Variants in IPO11 observed in about 807,000 individuals in gnomAD.
IPO11 encodes importin-11.
Under a neutral mutation model 143.2 loss-of-function variants are expected in IPO11, and 66 were observed. The observed-to-expected ratio is 0.46, with a 90% CI of 0.38 to 0.57. The LOEUF is 0.57. IPO11 is among the 20% of genes least tolerant of loss of function. The pLI, the probability that IPO11 is intolerant of heterozygous loss-of-function variation, is 0.00. For synonymous variants in IPO11, 385 were observed against 377.8 expected (o/e 1.02, Z -0.22); for missense variants, 1,026 against 1,141.0 (o/e 0.90, Z 1.45).
chr5:62,547,246 G>T (rs1368801118), intron 24 of IPO11, among the ~76,000 whole-genome samples: 1 of 152,098 alleles, frequency 6.6e-6, no homozygotes, highest in Non-Finnish European at 1.5e-5. Flanking sequence ...AAACTCATAT[G>T]TGTATATGAA....
intron 21 of IPO11, among the ~76,000 whole-genome samples, chr5:62,528,422 G>A (rs1179313323): frequency 6.6e-6 from 1 of 152,118 alleles, no homozygotes; most frequent in African/African-American, 2.4e-5. Context: ...CTGATAACTT[G>A]TTTGAGAGCT....
At chr5:62,443,215 TAC>T (rs1744562761) in intron 3 of IPO11, 132 bp downstream of exon 3, 1 of 521,710 alleles carries the variant, frequency 1.9e-6, no homozygotes, top group Non-Finnish European at 3.4e-6. Context: ...ATTGGAGCAA[TAC>T]AGAGACGATT....
At chr5:62,571,005 A>C (rs1382708646) in intron 27 of IPO11, among the ~76,000 whole-genome samples, 1 of 152,216 alleles carries the variant, frequency 6.6e-6, no homozygotes, top group Non-Finnish European at 1.5e-5. Flanking sequence ...ATAATTATAC[A>C]CAGAATAACT....
chr5:62,591,801 G>A (rs561755907), intron 28 of IPO11, 129 bp downstream of exon 28: 19 of 535,316 alleles, frequency 3.5e-5, no homozygotes, highest in African/African-American at 2.0e-4. Context: ...ATACAGAAAC[G>A]TTTTTGTTAT....
chr5:62,610,537 A>G (rs1300851022), intron 29 of IPO11, among the ~76,000 whole-genome samples: 5 of 152,156 alleles, frequency 3.3e-5, no homozygotes, highest in Non-Finnish European at 5.9e-5. Context: ...AAATTTGGTT[A>G]TCATAAGGCC....
At chr5:62,477,017 A>T (rs998069800) in intron 9 of IPO11, among the ~76,000 whole-genome samples, 1 of 152,190 alleles carries the variant, frequency 6.6e-6, no homozygotes, top group African/African-American at 2.4e-5. Context: ...TGATTCCTCT[A>T]AAGCTCATTA....
In IPO11 at chr5:62,546,379, A is replaced by G. The variant is rs1243467081; in HGVS notation, c.2251-3988A>G. 2.6e-5 allele frequency among the ~76,000 whole-genome samples: 4 copies of G among 152,170 alleles called. No homozygotes were observed. The South Asian group carries it at 8.3e-4, about 31-fold the overall frequency. On this transcript the variant is annotated intron_variant, in intron 24 of 29. Coordinates refer to ENST00000325324, the MANE Select transcript of IPO11 (RefSeq NM_016338.5). ...CACCAAACACCACATGTTCTCACTC[A>G]TAGATGGAAATTGAACAATGAGAAT...
chr5:62,507,806 G>A (rs909299195), intron 19 of IPO11, among the ~76,000 whole-genome samples: 18 of 151,726 alleles, frequency 1.2e-4, no homozygotes, highest in Admixed American at 9.8e-4. Context: ...TTATTTTTTT[G>A]GCTTAGTAAA....
chr5:62,573,895 C>A (rs1283371825), intron 27 of IPO11, among the ~76,000 whole-genome samples: 1 of 152,126 alleles, frequency 6.6e-6, no homozygotes, highest in African/African-American at 2.4e-5. Context: ...ATTGAGAGTT[C>A]CCTTAGGGGT....
At chr5:62,540,967 T>G (rs750814015) in intron 24 of IPO11, among the ~76,000 whole-genome samples, 2 of 152,252 alleles carry the variant, frequency 1.3e-5, no homozygotes, top group African/African-American at 4.8e-5. Context: ...AATAAATACT[T>G]AAGTACATTA....
chr5:62,514,861 GT>G (rs561719818), intron 19 of IPO11, among the ~76,000 whole-genome samples: 16 of 151,996 alleles, frequency 1.1e-4, no homozygotes, highest in African/African-American at 3.6e-4. Flanking sequence ...CTTTGAAAAT[GT>G]TTTTTTTCTC....
intron 1 of IPO11, among the ~76,000 whole-genome samples, chr5:62,415,770 C>G (rs1743273091): frequency 6.6e-6 from 1 of 151,700 alleles, no homozygotes; most frequent in African/African-American, 2.4e-5. Context: ...GCCCGGCCCC[C>G]TCTTTACTCT....
intron 3 of IPO11, among the ~76,000 whole-genome samples, chr5:62,446,813 A>G (rs537358495): frequency 6.6e-6 from 1 of 152,252 alleles, no homozygotes; most frequent in South Asian, 2.1e-4. Flanking sequence ...TACTAAAAAT[A>G]CAAAAACTAG....
At chr5:62,509,296 TA>T (rs1157114943) in intron 19 of IPO11, among the ~76,000 whole-genome samples, 2 of 152,216 alleles carry the variant, frequency 1.3e-5, no homozygotes, top group Admixed American at 6.5e-5. Context: ...AAATTTTATC[TA>T]AAAGATGAGG....
At chr5:62,419,074 A>G in intron 1 of IPO11, 1 of 1,551,184 alleles carries the variant, frequency 6.4e-7, no homozygotes, top group Non-Finnish European at 8.7e-7. Flanking sequence ...TCTAGGCTAT[A>G]AGCCTGTACA....
intron 29 of IPO11, among the ~76,000 whole-genome samples, chr5:62,602,652 G>T (rs1264723447): frequency 1.3e-5 from 2 of 152,150 alleles, no homozygotes; most frequent in Admixed American, 6.5e-5. Context: ...TCGCATTACA[G>T]CACGTTAGCT....
intron 21 of IPO11, among the ~76,000 whole-genome samples, chr5:62,527,499 A>G (rs996796936): frequency 1.3e-5 from 2 of 152,216 alleles, no homozygotes; most frequent in African/African-American, 4.8e-5. Context: ...TGTAAGATAA[A>G]ATATTAATTC....
At position 62,415,125 on chromosome 5, in the gene IPO11, A is replaced by G. The variant is rs953565616; in HGVS notation, c.-7+2196A>G. On this transcript the variant is annotated intron_variant, in intron 1 of 29. Transcript: ENST00000325324. ...CCTAACAATCCTGTGTGTCCCTGCT[A>G]ACTGCTCCTGTTTATCATGGTGGCT... Among the ~76,000 whole-genome samples, 5 of 152,158 alleles carry G rather than the reference A, an allele frequency of 3.3e-5. 1 individual carries two copies. Among genetic ancestry groups the G allele is most frequent in the Non-Finnish European group, 5.9e-5 (4 of 68,026 alleles).
chr5:62,590,671 G>C (rs952716219), intron 27 of IPO11, among the ~76,000 whole-genome samples: 2 of 152,070 alleles, frequency 1.3e-5, no homozygotes, highest in African/African-American at 4.8e-5. Flanking sequence ...AATTTTGTCT[G>C]TGTTACTGCC....
Sources: gnomAD v4.1 joint callset for allele counts (sites outside exome capture counted in the v4.1 genomes callset) on GRCh38, gnomAD v4.1.1 for gene constraint, MANE v1.5 for transcripts, NCBI Gene and HGNC (gene_info 2026-07-23, HGNC 2026-07-21) for gene names.